Variants in GPHN observed in about 807,000 individuals in gnomAD.
The protein encoded by GPHN is gephyrin.
A neutral mutation model predicts 95.5 loss-of-function variants in GPHN; 17 were observed. The observed-to-expected ratio is 0.18, with a 90% CI of 0.12 to 0.27. The LOEUF (loss-of-function observed/expected upper bound fraction) is 0.27. Among genes scored for constraint, GPHN ranks in the 10% least tolerant of loss-of-function variants. The pLI, the probability that GPHN is intolerant of heterozygous loss-of-function variation, is 1.00. For missense variants in GPHN, 660 were observed against 978.1 expected, an observed-to-expected ratio of 0.67 and a Z score of 4.34; for synonymous variants, 320 against 322.5, an observed-to-expected ratio of 0.99 and a Z score of 0.08.
At chr14:67,199,774 T>G in the GPHN span, 6 of 1,528,012 alleles carry the variant, frequency 3.9e-6, no homozygotes, top group Non-Finnish European at 5.3e-6. Flanking sequence ...CAGGCATGCC[T>G]CCTCCTGGCT....
the GPHN span, among the ~76,000 whole-genome samples, chr14:67,231,020 G>A: frequency 6.6e-6 from 1 of 152,096 alleles, no homozygotes; most frequent in Non-Finnish European, 1.5e-5. Context: ...CCTTCTCGAT[G>A]ATCAGATTGA....
chr14:67,479,684 C>T, the GPHN span, among the ~76,000 whole-genome samples: 1 of 152,136 alleles, frequency 6.6e-6, no homozygotes, highest in Admixed American at 6.5e-5. Context: ...CGCCACTGCA[C>T]TCTAGCCTAG....
the GPHN span, chr14:67,616,125 C>T: frequency 5.1e-5 from 14 of 272,102 alleles, no homozygotes; most frequent in South Asian, 8.0e-4. Context: ...TTTCTTGTCA[C>T]TAAAGCATTT....
chr14:67,498,230 C>T, the GPHN span, among the ~76,000 whole-genome samples: 1 of 152,128 alleles, frequency 6.6e-6, no homozygotes. Context: ...CCTCTTTGCC[C>T]CTCTCCCATA....
chr14:67,193,858 T>A, the GPHN span, among the ~76,000 whole-genome samples: 1 of 142,650 alleles, frequency 7.0e-6, no homozygotes, highest in African/African-American at 2.6e-5. Flanking sequence ...GGTGAGAGGA[T>A]CACTTGGGCT....
At chr14:66,777,794 C>A (rs1226137079) in intron 3 of GPHN, among the ~76,000 whole-genome samples, 1 of 152,114 alleles carries the variant, frequency 6.6e-6, no homozygotes, top group African/African-American at 2.4e-5. Context: ...TAAAAACTCT[C>A]AATAAATTAG....
chr14:67,445,577 C>CTTTTTTTTTTTTTTTTTTTT, the GPHN span, among the ~76,000 whole-genome samples: 15 of 59,936 alleles, frequency 2.5e-4, 2 homozygotes, highest in African/African-American at 6.0e-4. Flanking sequence ...AGAGGCAATT[C>CTTTTTTTTTTTTTTTTTTTT]TTTTTTTTTT....
chr14:66,663,202 A>C (rs1429351876), intron 1 of GPHN, among the ~76,000 whole-genome samples: 1 of 152,204 alleles, frequency 6.6e-6, no homozygotes, highest in Non-Finnish European at 1.5e-5. Flanking sequence ...AAATGAAAGA[A>C]AAAATGTTAA....
chr14:66,934,000 G>A lies in GPHN; in HGVS notation c.828+9708G>A, dbSNP rs549458910. Among the ~76,000 whole-genome samples the A allele has an allele frequency of 3.0e-4, 46 of 152,062 alleles. No homozygotes were observed. The South Asian group carries it at 3.3e-3, about 11-fold the overall frequency. On this transcript the variant is annotated intron_variant, in intron 8 of 22. Coordinates refer to ENST00000478722, the MANE Select transcript of GPHN (RefSeq NM_020806.5). ...CTGAAAAATAAAAAATTAGCCAGAC[G>A]TTGTGGCACATGCCTGTAGTCCCAG...
the GPHN span, among the ~76,000 whole-genome samples, chr14:67,289,312 C>G: frequency 6.6e-6 from 1 of 152,096 alleles, no homozygotes; most frequent in Non-Finnish European, 1.5e-5. Context: ...AGACTTTTCC[C>G]TGTCATTATT....
the GPHN span, among the ~76,000 whole-genome samples, chr14:67,705,754 T>G: frequency 6.6e-6 from 1 of 152,220 alleles, no homozygotes; most frequent in Non-Finnish European, 1.5e-5. Context: ...CAATTTTTTG[T>G]AATATTTCAA....
rs115687164 is a variant in GPHN, at chr14:66,656,884, C to T, written c.65-24223C>T. ...ATACTGAAATTAGGCCAAATAATTA[C>T]CCTACAGTGCCCTTTAAGTGTTAAA... is the stretch of plus-strand genomic sequence containing the variant. On this transcript the variant is annotated intron_variant, in intron 1 of 22. Transcript: ENST00000478722. 7.3e-3 allele frequency among the ~76,000 whole-genome samples: 1,111 copies of T among 152,122 alleles called. 6 individuals are homozygous for T. Among genetic ancestry groups the T allele is most frequent in the African/African-American group, 0.026 (1,061 of 41,506 alleles).
At chr14:67,320,224 C>T in the GPHN span, 16 of 1,593,110 alleles carry the variant, frequency 1.0e-5, no homozygotes, top group Non-Finnish European at 1.2e-5. Context: ...CTTTTTTTTC[C>T]CAAAGATTAT....
At chr14:67,261,990 T>C in the GPHN span, among the ~76,000 whole-genome samples, 1 of 152,150 alleles carries the variant, frequency 6.6e-6, no homozygotes, top group Non-Finnish European at 1.5e-5. Context: ...GCATGGTATC[T>C]TACAGACATG....
At chr14:67,389,879 C>T in the GPHN span, among the ~76,000 whole-genome samples, 2 of 151,882 alleles carry the variant, frequency 1.3e-5, no homozygotes, top group Admixed American at 1.3e-4. Context: ...ATCCTGTAGC[C>T]AGGCCACCAT....
the GPHN span, chr14:67,677,299 A>G: frequency 1.3e-5 from 2 of 150,634 alleles, no homozygotes; most frequent in Admixed American, 6.6e-5. Flanking sequence ...ATAATTACCA[A>G]TATCAGTCCC....
chr14:67,322,652 A>G, the GPHN span, among the ~76,000 whole-genome samples: 2 of 152,206 alleles, frequency 1.3e-5, no homozygotes, highest in Non-Finnish European at 2.9e-5. Context: ...TTGATTTAAG[A>G]GAAGTATACA....
chr14:66,773,924 C>G, intron 2 of GPHN, among the ~76,000 whole-genome samples: 1 of 150,896 alleles, frequency 6.6e-6, no homozygotes, highest in East Asian at 2.0e-4. Context: ...TATCATTGGG[C>G]CCTAGATAAT....
Position 66,683,347 on chromosome 14 carries a change from T to TGAAC in GPHN, c.143+2162_143+2163insGAAC, listed in dbSNP as rs377093206. On this transcript the variant is annotated intron_variant, in intron 2 of 22. Transcript: ENST00000478722. The stretch of plus-strand genomic sequence containing the variant: ...ATGTGGAAATATATATATATATATA[T>TGAAC]ATATATATATATATATATATATATA... Among the ~76,000 whole-genome samples the TGAAC allele has an allele frequency of 5.6e-4, 53 of 94,616 alleles. 1 individual carries two copies. The highest frequency in any genetic ancestry group is 8.8e-4 in the Non-Finnish European group (48 of 54,532). 62.1% of individuals were successfully genotyped at this position (94,616 alleles called of 152,430 possible). A position where few individuals can be genotyped will look rare whatever the true frequency, so the allele number is the denominator to read the frequency against.
Sources: allele counts gnomAD v4.1 joint callset (sites outside exome capture counted in the v4.1 genomes callset), GRCh38; gene constraint gnomAD v4.1.1; transcripts MANE v1.5; gene names NCBI Gene and HGNC (gene_info 2026-07-23, HGNC 2026-07-21).